PKIA: variants seen among roughly 807,000 people sequenced by gnomAD.
PKIA encodes cAMP-dependent protein kinase inhibitor alpha, also known as PKI-alpha.
In PKIA, 4 loss-of-function variants were observed where a neutral mutation model predicts 7.6. The ratio of observed to expected loss-of-function variants is 0.52; its 90% CI spans 0.26 to 1.20. PKIA has a LOEUF of 1.20. Among genes scored for constraint, PKIA ranks in the 50% most tolerant of loss-of-function variants. The pLI, the probability that PKIA is intolerant of heterozygous loss-of-function variation, is 0.13. For synonymous variants in PKIA, 21 were observed against 30.7 expected, an observed-to-expected ratio of 0.68 and a Z score of 1.04; for missense variants, 73 against 86.2, an observed-to-expected ratio of 0.85 and a Z score of 0.61.
intron 1 of PKIA, among the ~76,000 whole-genome samples, chr8:78,519,604 T>G (rs1319317526): frequency 6.6e-6 from 1 of 152,210 alleles, no homozygotes; most frequent in Admixed American, 6.5e-5. Flanking sequence ...AATGACCTCT[T>G]AATTGCCAGA....
At chr8:78,576,559 G>A (rs554385999) in intron 2 of PKIA, among the ~76,000 whole-genome samples, 59 of 151,908 alleles carry the variant, frequency 3.9e-4, no homozygotes, top group Middle Eastern at 6.8e-3. Context: ...CATTAGCCAC[G>A]TGTTTTTTTG....
At chr8:78,556,867 C>A (rs1368079177) in intron 1 of PKIA, among the ~76,000 whole-genome samples, 2 of 152,110 alleles carry the variant, frequency 1.3e-5, no homozygotes, top group Non-Finnish European at 2.9e-5. Context: ...GTTCTGATGA[C>A]TAGCAGAAGA....
chr8:78,557,484 T>A (rs1807168484), intron 1 of PKIA, among the ~76,000 whole-genome samples: 1 of 152,200 alleles, frequency 6.6e-6, no homozygotes, highest in African/African-American at 2.4e-5. Flanking sequence ...TATGAGATTA[T>A]CTGAGTAAAA....
At chr8:78,541,825 T>TTA (rs1806699000) in intron 1 of PKIA, among the ~76,000 whole-genome samples, 1 of 148,592 alleles carries the variant, frequency 6.7e-6, no homozygotes, top group South Asian at 2.1e-4. Context: ...TTTTTTTTTT[T>TTA]AGATTCCCTC....
intron 1 of PKIA, among the ~76,000 whole-genome samples, chr8:78,553,610 TCCTTTATGTCTGATTATATGTTGCACTG>T (rs932915395): frequency 6.6e-6 from 1 of 152,010 alleles, no homozygotes; most frequent in African/African-American, 2.4e-5. Flanking sequence ...TTTTTGGCTT[TCCTTTATGTCTGATTATATGTTGCACTG>T]CCAATTTTTG....
chr8:78,579,604 G>A (rs937602776), intron 2 of PKIA, among the ~76,000 whole-genome samples: 1 of 152,006 alleles, frequency 6.6e-6, no homozygotes, highest in African/African-American at 2.4e-5. Context: ...GACATTTTGC[G>A]AAAGATAGAT....
At chr8:78,554,151 G>C (rs548217637) in intron 1 of PKIA, among the ~76,000 whole-genome samples, 82 of 152,082 alleles carry the variant, frequency 5.4e-4, no homozygotes, top group Non-Finnish European at 9.4e-4. Flanking sequence ...TTCCCATACT[G>C]GGTTCTTCAT....
chr8:78,598,466 G>T lies in PKIA; in HGVS notation c.82G>T (p.Val28Phe). The T allele has an allele frequency of 6.2e-7, 1 of 1,611,716 alleles. No homozygotes were observed. The highest frequency in any genetic ancestry group is 1.1e-5 in the South Asian group (1 of 90,864). Reference protein sequence around the residue: ...GRRNAIHDILVSSASGNSNEL... With the variant: ...GRRNAIHDILFSSASGNSNEL... ...AAGAAATGCAATACATGATATCCTG[G>T]TTTCCTCTGCAAGTGGCAACAGCAA... The change falls in exon 3 of 4, where the codon GTT becomes TTT. Residue 28 changes from valine to phenylalanine, a missense_variant. Val to Phe is a conservative substitution (Grantham distance 50, BLOSUM62 -1). Transcript: ENST00000396418.
chr8:78,587,319 C>T (rs997795344), intron 2 of PKIA, among the ~76,000 whole-genome samples: 4 of 152,166 alleles, frequency 2.6e-5, no homozygotes, highest in Non-Finnish European at 2.9e-5. Context: ...ACCACCAGCC[C>T]CAGGCCCTTA....
At chr8:78,536,859 TACAC>T (rs58547049) in intron 1 of PKIA, among the ~76,000 whole-genome samples, 22,305 of 135,808 alleles carry the variant, frequency 0.16, 1,681 homozygotes, top group Non-Finnish European at 0.2. Context: ...CTAGAAAACA[TACAC>T]ACACACACAC....
At chr8:78,520,545 A>G (rs568048688) in intron 1 of PKIA, among the ~76,000 whole-genome samples, 3 of 152,320 alleles carry the variant, frequency 2.0e-5, no homozygotes, top group African/African-American at 7.2e-5. Context: ...TGTCACCTGA[A>G]TGGCAGAGAT....
intron 1 of PKIA, among the ~76,000 whole-genome samples, chr8:78,526,114 T>C (rs1224040603): frequency 6.6e-6 from 1 of 152,184 alleles, no homozygotes; most frequent in Non-Finnish European, 1.5e-5. Context: ...TACTACATCT[T>C]TTCCCAAATG....
intron 1 of PKIA, among the ~76,000 whole-genome samples, chr8:78,537,282 G>T (rs1228781465): frequency 4.6e-5 from 7 of 150,962 alleles, no homozygotes; most frequent in African/African-American, 1.7e-4. Context: ...CTAATTCTCT[G>T]ATACAGTAAA....
rs1351075790 is a variant in PKIA, at chr8:78,516,342, G to A, written c.-283G>A. 1 of 152,244 alleles carries A rather than the reference G, an allele frequency of 6.6e-6. No homozygotes were observed. Among genetic ancestry groups the A allele is most frequent in the Non-Finnish European group, 1.5e-5 (1 of 68,110 alleles). 9.4% of individuals were successfully genotyped at this position (152,244 alleles called of 1,614,324 possible). ...TCATGCAGCCGGAGCTCCGCGGCGGGAGCGGAGGCTGCTGCTGGCAGGTGG... is the reference window on the plus strand; with the variant it reads ...TCATGCAGCCGGAGCTCCGCGGCGGAAGCGGAGGCTGCTGCTGGCAGGTGG... On this transcript the variant is annotated 5_prime_UTR_variant, in exon 1 of 4. Coordinates refer to ENST00000396418, the MANE Select transcript of PKIA (RefSeq NM_006823.4).
intron 1 of PKIA, among the ~76,000 whole-genome samples, chr8:78,552,401 G>A (rs946328690): frequency 6.6e-6 from 1 of 151,170 alleles, no homozygotes; most frequent in African/African-American, 2.4e-5. Context: ...TGCACTGTTG[G>A]CATTCTTCCA....
intron 1 of PKIA, among the ~76,000 whole-genome samples, chr8:78,571,676 T>C (rs1021893062): frequency 1.3e-5 from 2 of 152,098 alleles, no homozygotes; most frequent in Non-Finnish European, 2.9e-5. Context: ...CATGCCTCTA[T>C]TCTCAATTCC....
intron 1 of PKIA, among the ~76,000 whole-genome samples, chr8:78,567,380 T>C (rs1360562477): frequency 6.6e-6 from 1 of 152,162 alleles, no homozygotes; most frequent in Non-Finnish European, 1.5e-5. Flanking sequence ...CAATTTCTCA[T>C]ACTTTCCTTA....
chr8:78,585,868 A>C (rs1171701219), intron 2 of PKIA, among the ~76,000 whole-genome samples: 1 of 152,176 alleles, frequency 6.6e-6, no homozygotes, highest in African/African-American at 2.4e-5. Flanking sequence ...TTTAGCTTAA[A>C]TGTAGCATTG....
chr8:78,576,808 AC>A lies in PKIA; in HGVS notation c.-28+3872del, dbSNP rs1396702749. Among the ~76,000 whole-genome samples the A allele has an allele frequency of 2.6e-5, 4 of 151,966 alleles. No individual in the cohort carries two copies. In the East Asian group the frequency reaches 7.7e-4, roughly 29 times the overall value. ...AAAAAGAAAAGTTAACTACCATTAGACCCAACAATCACATTACTGGTTTTAT... is the reference window on the plus strand; with the variant it reads ...AAAAAGAAAAGTTAACTACCATTAGACCAACAATCACATTACTGGTTTTAT... On this transcript the variant is annotated intron_variant, in intron 2 of 3. Coordinates refer to ENST00000396418, the MANE Select transcript of PKIA (RefSeq NM_006823.4).
Sources: allele counts gnomAD v4.1 joint callset (sites outside exome capture counted in the v4.1 genomes callset), GRCh38; gene constraint gnomAD v4.1.1; transcripts MANE v1.5; gene names NCBI Gene and HGNC (gene_info 2026-07-23, HGNC 2026-07-21).